Variants in IL6R observed in about 807,000 individuals in gnomAD.
The protein encoded by IL6R is interleukin-6 receptor subunit alpha.
In IL6R, 38 loss-of-function variants were observed where a neutral mutation model predicts 48.3. That is an observed-to-expected ratio of 0.79 (90% confidence interval 0.61 to 1.03). IL6R has a LOEUF of 1.03. IL6R is among the 50% of genes least tolerant of loss of function. The pLI is 0.00. For missense variants in IL6R, 534 were observed against 618.3 expected (o/e 0.86, Z 1.45); for synonymous variants, 264 against 256.2 (o/e 1.03, Z -0.29).
chr1:154,433,991 T>C (rs1324169724), intron 3 of IL6R, among the ~76,000 whole-genome samples: 1 of 151,128 alleles, frequency 6.6e-6, no homozygotes, highest in African/African-American at 2.4e-5. Flanking sequence ...CCTCCCAAAG[T>C]GCTAGAATTA....
chr1:154,444,939 G>A (rs562934701), intron 6 of IL6R: 9 of 320,730 alleles, frequency 2.8e-5, no homozygotes, highest in East Asian at 1.0e-4. Flanking sequence ...CCCCACACCC[G>A]CCCCCCCCAA....
Position 154,434,600 on chromosome 1 carries a change from C to G in IL6R, c.540C>G (p.Val180=). The G allele has an allele frequency of 6.2e-7, 1 of 1,614,100 alleles. No homozygotes were observed. Among genetic ancestry groups the G allele is most frequent in the African/African-American group, 1.3e-5 (1 of 75,030 alleles). Residue 180 remains valine, a synonymous_variant, in exon 4 of 10, where the codon GTC becomes GTG. Transcript: ENST00000368485. ...AGAAGTTCTCCTGCCAGTTAGCAGT[C>G]CCGGAGGGAGACAGCTCTTTCTACA... ...ESQKFSCQLA[V]PEGDSSFYIV...
intron 1 of IL6R, among the ~76,000 whole-genome samples, chr1:154,407,656 G>C (rs1419384771): frequency 6.6e-6 from 1 of 152,236 alleles, no homozygotes; most frequent in Non-Finnish European, 1.5e-5. Context: ...CAGAGGGGGA[G>C]CAGAGGCTGG....
intron 4 of IL6R, 43 bp from the exon 5 acceptor site, chr1:154,434,947 T>C (rs1689525946): frequency 1.9e-6 from 3 of 1,605,988 alleles, no homozygotes; most frequent in Middle Eastern, 2.0e-4. Context: ...TTCTCTACAC[T>C]ATATTTGGTG....
intron 1 of IL6R, among the ~76,000 whole-genome samples, chr1:154,425,125 A>G (rs1688891101): frequency 6.6e-6 from 1 of 152,104 alleles, no homozygotes; most frequent in Non-Finnish European, 1.5e-5. Flanking sequence ...ATCTTTAACT[A>G]TCAGGCCCAG....
chr1:154,465,522 C>A lies in IL6R; in HGVS notation c.*142C>A. On this transcript the variant is annotated 3_prime_UTR_variant, in exon 10 of 10. Coordinates refer to ENST00000368485, the MANE Select transcript of IL6R (RefSeq NM_000565.4). ...TCACGGAAGAGCCTTGCGGAAGGTT[C>A]TACGCCAGGGGAAAATCAGCCTGCT... 1 of 925,564 alleles carries A rather than the reference C, an allele frequency of 1.1e-6. No individual in the cohort carries two copies. The highest frequency in any genetic ancestry group is 1.6e-6 in the Non-Finnish European group (1 of 614,396). 57.3% of individuals were successfully genotyped at this position (925,564 alleles called of 1,614,324 possible). A position where few individuals can be genotyped will look rare whatever the true frequency, so the allele number is the denominator to read the frequency against.
intron 1 of IL6R, among the ~76,000 whole-genome samples, chr1:154,417,936 T>C (rs1570930537): frequency 6.6e-6 from 1 of 152,094 alleles, no homozygotes; most frequent in African/African-American, 2.4e-5. Context: ...GATTTCACCA[T>C]GTTGGCCAAG....
At chr1:154,451,890 T>G (rs1005818646) in intron 8 of IL6R, among the ~76,000 whole-genome samples, 1 of 152,130 alleles carries the variant, frequency 6.6e-6, no homozygotes, top group Non-Finnish European at 1.5e-5. Flanking sequence ...TCCCCACCTA[T>G]TCAACCCAGA....
At chr1:154,445,342 G>A (rs971081884) in intron 6 of IL6R, among the ~76,000 whole-genome samples, 18 of 152,128 alleles carry the variant, frequency 1.2e-4, no homozygotes, top group South Asian at 4.1e-4. Context: ...AACCTGAGCC[G>A]CCAGAGGTTA....
At position 154,429,334 on chromosome 1, in the gene IL6R, C is replaced by T. The variant is rs759580674; in HGVS notation, c.224C>T (p.Ala75Val). The T allele has an allele frequency of 1.2e-6, 2 of 1,614,134 alleles. No individual in the cohort carries two copies. The highest frequency in any genetic ancestry group is 1.7e-6 in the Non-Finnish European group (2 of 1,180,016). ...GCAGGCTCCCACCCCAGCAGATGGG[C>T]TGGCATGGGAAGGAGGCTGCTGCTG... is the stretch of plus-strand genomic sequence containing the variant. Reference protein sequence around the residue: ...PAAGSHPSRWAGMGRRLLLRS... With the variant: ...PAAGSHPSRWVGMGRRLLLRS... Residue 75 changes from alanine to valine, a missense_variant, in exon 2 of 10, where the codon GCT becomes GTT. Coordinates refer to ENST00000368485, the MANE Select transcript of IL6R (RefSeq NM_000565.4).
At chr1:154,449,186 C>G (rs1690448862) in intron 7 of IL6R, among the ~76,000 whole-genome samples, 1 of 12,194 alleles carries the variant, frequency 8.2e-5, no homozygotes, top group Admixed American at 9.8e-4. Context: ...TGAGCCACCG[C>G]GCCCGGCCTT....
Position 154,435,902 on chromosome 1 carries a change from A to C in IL6R, c.808-67A>C, listed in dbSNP as rs1689596956. On this transcript the variant is annotated intron_variant, in intron 5 of 9. Transcript: ENST00000368485. ...ACAGGGCTGGCCAAGGCACCAACCCACTGGGGTGCTACCTGCCCAGCACCA... is the reference window on the plus strand; with the variant it reads ...ACAGGGCTGGCCAAGGCACCAACCCCCTGGGGTGCTACCTGCCCAGCACCA... 1.6e-5 allele frequency: 23 copies of C among 1,420,112 alleles called. No individual in the cohort carries two copies. In the South Asian group the frequency reaches 3.1e-4, roughly 19 times the overall value. 88.0% of individuals were successfully genotyped at this position (1,420,112 alleles called of 1,614,324 possible).
At chr1:154,427,045 A>G (rs1689018061) in intron 1 of IL6R, among the ~76,000 whole-genome samples, 1 of 152,056 alleles carries the variant, frequency 6.6e-6, no homozygotes, top group Non-Finnish European at 1.5e-5. Flanking sequence ...CAGCCTCCCA[A>G]GTAGCTGGGA....
intron 6 of IL6R, among the ~76,000 whole-genome samples, chr1:154,438,791 T>A (rs1298845949): frequency 6.6e-6 from 1 of 152,128 alleles, no homozygotes; most frequent in Non-Finnish European, 1.5e-5. Flanking sequence ...TAGGGTGTAA[T>A]CCTAGTTGGA....
At chr1:154,434,016 C>T (rs1689460751) in intron 3 of IL6R, among the ~76,000 whole-genome samples, 2 of 151,938 alleles carry the variant, frequency 1.3e-5, no homozygotes, top group South Asian at 2.1e-4. Flanking sequence ...CGTGAGCCAC[C>T]GCGCCCGGCC....
At chr1:154,445,353 C>T (rs4845373) in intron 6 of IL6R, among the ~76,000 whole-genome samples, 49,514 of 152,032 alleles carry the variant, frequency 0.33, 9,362 homozygotes, top group Admixed American at 0.49. Flanking sequence ...CCAGAGGTTA[C>T]TGGGCATTCT....
At chr1:154,414,298 G>T in intron 1 of IL6R, 1 of 704,286 alleles carries the variant, frequency 1.4e-6, no homozygotes. Flanking sequence ...ACCTTTATTG[G>T]AGGAAACCTT....
At position 154,436,067 on chromosome 1, in the gene IL6R, G is replaced by A. The variant is rs753141272; in HGVS notation, c.906G>A (p.Glu302=). Residue 302 remains glutamate, a synonymous_variant, in exon 6 of 10, where the codon GAG becomes GAA. Coordinates refer to ENST00000368485, the MANE Select transcript of IL6R (RefSeq NM_000565.4). ...CCCAGGAGGAGTTCGGGCAAGGCGA[G>A]TGGAGCGAGTGGAGCCCGGAGGCCA... is the stretch of plus-strand genomic sequence containing the variant. The part of the protein sequence containing the change: ...LRAQEEFGQG[E]WSEWSPEAMG... 5.0e-6 allele frequency: 8 copies of A among 1,613,000 alleles called. No individual in the cohort carries two copies. In the African/African-American group the frequency reaches 1.1e-4, roughly 22 times the overall value.
chr1:154,411,947 CTTTTTT>C (rs1179153554), intron 1 of IL6R, among the ~76,000 whole-genome samples: 16 of 132,634 alleles, frequency 1.2e-4, no homozygotes, highest in African/African-American at 3.7e-4. Flanking sequence ...TCCTAAGAGC[CTTTTTT>C]TTTTTTTTTT....
Sources: gnomAD v4.1 joint callset for allele counts (sites outside exome capture counted in the v4.1 genomes callset) on GRCh38, gnomAD v4.1.1 for gene constraint, MANE v1.5 for transcripts, NCBI Gene and HGNC (gene_info 2026-07-23, HGNC 2026-07-21) for gene names.